The following OSMR variants were observed in gnomAD, a reference collection of about 807,000 sequenced individuals.
The protein encoded by OSMR is oncostatin M receptor.
Under a neutral mutation model 99.9 loss-of-function variants are expected in OSMR, and 81 were observed. The observed-to-expected ratio is 0.81, with a 90% CI of 0.68 to 0.97. The LOEUF is 0.97. Ranked by LOEUF, OSMR falls within the 50% of genes least tolerant of loss-of-function variation. The pLI is 0.00. For missense variants in OSMR, 1,099 were observed against 1,153.4 expected (o/e 0.95, Z 0.68); for synonymous variants, 406 against 410.4 (o/e 0.99, Z 0.13).
chr5:38,909,992 G>A (rs1167230587), intron 9 of OSMR, among the ~76,000 whole-genome samples: 4 of 152,140 alleles, frequency 2.6e-5, no homozygotes, highest in African/African-American at 4.8e-5. Flanking sequence ...TATATCACAC[G>A]CAGTGACACC....
chr5:38,918,678 T>C, intron 10 of OSMR, 162 bp from the exon 11 acceptor site: 1 of 934,860 alleles, frequency 1.1e-6, no homozygotes, highest in Non-Finnish European at 1.3e-6. Flanking sequence ...GAATGTCTGA[T>C]TTCAGAGTTG....
intron 3 of OSMR, among the ~76,000 whole-genome samples, chr5:38,880,907 A>G (rs1397577564): frequency 6.6e-6 from 1 of 152,240 alleles, no homozygotes; most frequent in African/African-American, 2.4e-5. Context: ...ATTACAGCTC[A>G]ACTTAGACAA....
chr5:38,940,255 GTGTAAGA>G (rs1439526330), downstream of OSMR: 2 of 230,634 alleles, frequency 8.7e-6, no homozygotes, highest in Non-Finnish European at 1.7e-5. Flanking sequence ...GTGTGTGTGT[GTGTAAGA>G]CAAAAAAAAA....
chr5:38,944,392 C>G, intron 2 of OSMR: 3 of 1,549,860 alleles, frequency 1.9e-6, no homozygotes, highest in Non-Finnish European at 2.6e-6. Flanking sequence ...AGTATCTTTT[C>G]TCGACTTAAA....
chr5:38,877,143 C>G (rs1199695629), intron 3 of OSMR, among the ~76,000 whole-genome samples: 1 of 152,094 alleles, frequency 6.6e-6, no homozygotes, highest in Admixed American at 6.5e-5. Flanking sequence ...TATTTAAGGA[C>G]AGTGGAATGT....
intron 9 of OSMR, chr5:38,917,326 C>G (rs1302004589): frequency 1.5e-6 from 1 of 666,424 alleles, no homozygotes; most frequent in East Asian, 1.4e-4. Flanking sequence ...CTTTCAGAGG[C>G]AGCTGACCTT....
chr5:38,901,993 G>A (rs1744926619), intron 7 of OSMR, among the ~76,000 whole-genome samples: 1 of 152,152 alleles, frequency 6.6e-6, no homozygotes, highest in South Asian at 2.1e-4. Context: ...TACTTCTTTG[G>A]TGTTCAGCTT....
At chr5:38,915,772 A>AT (rs1323443576) in intron 9 of OSMR, among the ~76,000 whole-genome samples, 3 of 152,218 alleles carry the variant, frequency 2.0e-5, no homozygotes, top group Non-Finnish European at 4.4e-5. Flanking sequence ...CTATAGTTGT[A>AT]TTTTCAAATT....
chr5:38,896,685 C>T (rs1008432011), intron 7 of OSMR, among the ~76,000 whole-genome samples: 2 of 152,068 alleles, frequency 1.3e-5, no homozygotes, highest in South Asian at 2.1e-4. Context: ...AGTACTATGT[C>T]GAATAACAGT....
At chr5:38,921,853 G>A in intron 12 of OSMR, 59 bp downstream of exon 12, 1 of 1,420,642 alleles carries the variant, frequency 7.0e-7, no homozygotes, top group Non-Finnish European at 1.0e-6. Context: ...AAGTTCAAGT[G>A]GGATTTCTGG....
At chr5:38,887,612 C>T (rs997803813) in intron 7 of OSMR, among the ~76,000 whole-genome samples, 3 of 152,118 alleles carry the variant, frequency 2.0e-5, no homozygotes, top group Non-Finnish European at 4.4e-5. Context: ...GTCTTGACAT[C>T]GGGTAGGATA....
intron 6 of OSMR, 128 bp downstream of exon 6, chr5:38,885,612 G>T (rs1224490575): frequency 4.7e-6 from 6 of 1,274,098 alleles, no homozygotes; most frequent in African/African-American, 2.9e-5. Flanking sequence ...ACCTGCCAAG[G>T]TCAAGAGGAA....
chr5:38,926,793 G>A (rs1474475062), intron 15 of OSMR, among the ~76,000 whole-genome samples: 1 of 152,070 alleles, frequency 6.6e-6, no homozygotes, highest in East Asian at 1.9e-4. Context: ...GTCCCCCAAG[G>A]TCTTAGCTCA....
chr5:38,855,719 C>A (rs1341423561), intron 1 of OSMR, among the ~76,000 whole-genome samples: 29 of 150,690 alleles, frequency 1.9e-4, no homozygotes, highest in Non-Finnish European at 1.6e-4. Flanking sequence ...ACCGCCACAC[C>A]CCCCCACCTG....
At chr5:38,894,986 A>AT (rs955109218) in intron 7 of OSMR, among the ~76,000 whole-genome samples, 1 of 152,024 alleles carries the variant, frequency 6.6e-6, no homozygotes, top group Admixed American at 6.6e-5. Context: ...AAAGCAAAAA[A>AT]AAAATAAAAA....
At chr5:38,943,002 C>G (rs1579851106) in intron 1 of OSMR, 1 of 1,528,440 alleles carries the variant, frequency 6.5e-7, no homozygotes, top group East Asian at 2.3e-5. Flanking sequence ...GTGATGAAAA[C>G]TGTAATCATG....
intron 13 of OSMR, among the ~76,000 whole-genome samples, chr5:38,923,955 C>T (rs1746353037): frequency 1.3e-5 from 2 of 152,154 alleles, no homozygotes; most frequent in South Asian, 4.2e-4. Context: ...GATAAGTGTG[C>T]ACTGCCACAA....
rs1327665032 is a variant in OSMR, at chr5:38,933,763, A to C, written c.*319A>C. The C allele has an allele frequency of 8.2e-6, 3 of 364,800 alleles. No individual in the cohort carries two copies. Among genetic ancestry groups the C allele is most frequent in the Non-Finnish European group, 1.5e-5 (3 of 194,234 alleles). 22.6% of individuals were successfully genotyped at this position (364,800 alleles called of 1,614,324 possible). On this transcript the variant is annotated 3_prime_UTR_variant, in exon 18 of 18. Transcript: ENST00000274276. Reference sequence around the variant, plus strand: ...TTAACCACTCTACAGACTCCCACTCAGTACTGTACAGGGTGGCTGTGGTCC... The same window carrying C: ...TTAACCACTCTACAGACTCCCACTCCGTACTGTACAGGGTGGCTGTGGTCC...
At chr5:38,942,578 G>C (rs1747694446) in intron 1 of OSMR, among the ~76,000 whole-genome samples, 2 of 148,522 alleles carry the variant, frequency 1.3e-5, no homozygotes, top group Admixed American at 1.4e-4. Flanking sequence ...AGCCTCCCAA[G>C]TAGCTGGGAA....
Sources: allele counts gnomAD v4.1 joint callset (sites outside exome capture counted in the v4.1 genomes callset), GRCh38; gene constraint gnomAD v4.1.1; transcripts MANE v1.5; gene names NCBI Gene and HGNC (gene_info 2026-07-23, HGNC 2026-07-21).